The following CDK17 variants were observed in gnomAD, a reference collection of about 807,000 sequenced individuals.
CDK17 encodes the protein cyclin-dependent kinase 17.
A neutral mutation model predicts 77.6 loss-of-function variants in CDK17; 24 were observed. The observed-to-expected ratio is 0.31, with a 90% CI of 0.22 to 0.44. CDK17 has a LOEUF of 0.44. CDK17 is among the 20% of genes least tolerant of loss of function. The probability of loss-of-function intolerance (pLI) is 1.00; values close to 1 mark genes in which losing one functional copy is unlikely to be tolerated. For missense variants in CDK17, 429 were observed against 622.5 expected (o/e 0.69, Z 3.31); for synonymous variants, 203 against 210.4 (o/e 0.96, Z 0.30).
At chr12:96,289,132 A>G in intron 11 of CDK17, 35 bp downstream of exon 11, 2 of 1,608,478 alleles carry the variant, frequency 1.2e-6, no homozygotes, top group South Asian at 1.1e-5. Context: ...ATTCTTTCAA[A>G]ATTATAAATG....
At chr12:96,383,407 A>G (rs1953919420) in intron 1 of CDK17, among the ~76,000 whole-genome samples, 1 of 151,696 alleles carries the variant, frequency 6.6e-6, no homozygotes, top group Non-Finnish European at 1.5e-5. Context: ...ATTAGAAGAA[A>G]AAAAAAAAAA....
intron 1 of CDK17, among the ~76,000 whole-genome samples, chr12:96,337,873 T>C (rs1340965799): frequency 6.6e-6 from 1 of 152,220 alleles, no homozygotes; most frequent in African/African-American, 2.4e-5. Flanking sequence ...ACTCTAACTC[T>C]GCACATTCTG....
intron 1 of CDK17, among the ~76,000 whole-genome samples, chr12:96,355,615 C>T (rs990010807): frequency 1.3e-5 from 2 of 151,934 alleles, no homozygotes; most frequent in African/African-American, 2.4e-5. Context: ...ACCATGTTGG[C>T]GAGGATGGTC....
intron 1 of CDK17, among the ~76,000 whole-genome samples, chr12:96,384,440 A>T (rs1334649048): frequency 6.6e-6 from 1 of 152,238 alleles, no homozygotes; most frequent in South Asian, 2.1e-4. Context: ...CATTTTATCA[A>T]AAAGACTCAT....
chr12:96,320,363 G>C (rs1387563230), intron 3 of CDK17, among the ~76,000 whole-genome samples: 1 of 146,682 alleles, frequency 6.8e-6, no homozygotes, highest in African/African-American at 2.5e-5. Context: ...AATCAATATC[G>C]TGAAAATGGC....
chr12:96,366,367 A>C (rs939725875), intron 1 of CDK17, among the ~76,000 whole-genome samples: 1 of 152,172 alleles, frequency 6.6e-6, no homozygotes, highest in Admixed American at 6.5e-5. Flanking sequence ...AGTCCCTCAT[A>C]TAAGGGAAAG....
intron 13 of CDK17, among the ~76,000 whole-genome samples, chr12:96,283,890 G>A (rs1952209594): frequency 6.6e-6 from 1 of 152,100 alleles, no homozygotes; most frequent in South Asian, 2.1e-4. Flanking sequence ...ACAAATTAAA[G>A]AATTTTAAAA....
chr12:96,394,777 A>G (rs534881874), intron 1 of CDK17, among the ~76,000 whole-genome samples: 2 of 150,458 alleles, frequency 1.3e-5, no homozygotes, highest in East Asian at 3.9e-4. Flanking sequence ...GCCTGGGCCA[A>G]CTGAGGGAGA....
rs1952158767 is a variant in CDK17, at chr12:96,280,287, AT to A, written c.1535-9del. 7 of 1,550,590 alleles carry A rather than the reference AT, an allele frequency of 4.5e-6. No individual in the cohort carries two copies. The highest frequency in any genetic ancestry group is 1.4e-5 in the African/African-American group (1 of 72,990). On this transcript the variant is annotated splice_polypyrimidine_tract_variant and intron_variant, in intron 16 of 16. Transcript: ENST00000261211. ...TTCTGTTCTTCCCATGTCCTAAAAT[AT>A]AAAGTCATTTTATGAGGCAGTTCAA...
intron 2 of CDK17, among the ~76,000 whole-genome samples, chr12:96,326,782 C>T (rs1049628365): frequency 6.6e-6 from 1 of 152,162 alleles, no homozygotes; most frequent in African/African-American, 2.4e-5. Flanking sequence ...AGAAAGAAGG[C>T]AAGTGTAGCT....
intron 2 of CDK17, among the ~76,000 whole-genome samples, chr12:96,331,643 A>T (rs1791131419): frequency 6.6e-6 from 1 of 152,208 alleles, no homozygotes; most frequent in Non-Finnish European, 1.5e-5. Flanking sequence ...AAGAGAGATA[A>T]TATCTCATTT....
intron 1 of CDK17, among the ~76,000 whole-genome samples, chr12:96,378,721 T>C (rs1009301981): frequency 6.6e-6 from 1 of 152,198 alleles, no homozygotes; most frequent in East Asian, 1.9e-4. Context: ...ACAACCCAAA[T>C]AGCCACAAAG....
At chr12:96,289,137 T>C (rs989956909) in intron 11 of CDK17, 30 bp downstream of exon 11, 5 of 1,610,038 alleles carry the variant, frequency 3.1e-6, no homozygotes, top group Admixed American at 3.3e-5. Flanking sequence ...TTCAAAATTA[T>C]AAATGTCAGT....
chr12:96,318,073 A>G (rs1952758138), intron 3 of CDK17, among the ~76,000 whole-genome samples: 1 of 152,266 alleles, frequency 6.6e-6, no homozygotes, highest in Middle Eastern at 3.4e-3. Flanking sequence ...GCAGACACAC[A>G]CATAGGCTCA....
Position 96,400,162 on chromosome 12 carries a change from G to A in CDK17, c.-206C>T. 1 of 394,414 alleles carries A rather than the reference G, an allele frequency of 2.5e-6. No individual in the cohort carries two copies. Among genetic ancestry groups the A allele is most frequent in the Non-Finnish European group, 4.5e-6 (1 of 223,324 alleles). 24.4% of individuals were successfully genotyped at this position (394,414 alleles called of 1,614,324 possible). On this transcript the variant is annotated 5_prime_UTR_variant, in exon 1 of 17. Coordinates refer to ENST00000261211, the MANE Select transcript of CDK17 (RefSeq NM_002595.5). Reference sequence around the variant, plus strand: ...AGCCGCCTTCCGGCTCTCGCCGCGGGTCCGGAGCCTCGGGAGGGGCCGCGG... The same window carrying A: ...AGCCGCCTTCCGGCTCTCGCCGCGGATCCGGAGCCTCGGGAGGGGCCGCGG...
At chr12:96,284,078 A>C (rs572912848) in intron 13 of CDK17, among the ~76,000 whole-genome samples, 1 of 152,336 alleles carries the variant, frequency 6.6e-6, no homozygotes, top group South Asian at 2.1e-4. Flanking sequence ...ACAAACACAG[A>C]AATGAGCTAT....
In CDK17 at chr12:96,400,026, A is replaced by T; in HGVS notation, c.-70T>A. 5.2e-6 allele frequency: 2 copies of T among 385,324 alleles called. No individual in the cohort carries two copies. The highest frequency in any genetic ancestry group is 6.6e-4 in the Middle Eastern group (1 of 1,526). The allele number at this position is 385,324 out of a possible 1,614,324, so 23.9% of individuals were successfully genotyped here. A position where few individuals can be genotyped will look rare whatever the true frequency, so the allele number is the denominator to read the frequency against. On this transcript the variant is annotated 5_prime_UTR_variant, in exon 1 of 17. Transcript: ENST00000261211. ...CCGCGGGTCCCGAGGCGAGGCGAAGAGAGGCGCGGGGGGAAGCTGCTCCGC... is the reference window on the plus strand; with the variant it reads ...CCGCGGGTCCCGAGGCGAGGCGAAGTGAGGCGCGGGGGGAAGCTGCTCCGC...
At chr12:96,357,695 C>T (rs1953420739) in intron 1 of CDK17, among the ~76,000 whole-genome samples, 1 of 152,170 alleles carries the variant, frequency 6.6e-6, no homozygotes, top group African/African-American at 2.4e-5. Flanking sequence ...CTGGGTTGTA[C>T]ATGCCCTACC....
intron 13 of CDK17, among the ~76,000 whole-genome samples, chr12:96,284,004 A>G (rs1413079687): frequency 6.6e-6 from 1 of 152,234 alleles, no homozygotes; most frequent in Non-Finnish European, 1.5e-5. Context: ...TAAGAGCATC[A>G]TTTTCCTATT....
Sources: allele counts gnomAD v4.1 joint callset (sites outside exome capture counted in the v4.1 genomes callset), GRCh38; gene constraint gnomAD v4.1.1; transcripts MANE v1.5; gene names NCBI Gene and HGNC (gene_info 2026-07-23, HGNC 2026-07-21).